Variants in SPEG observed in about 807,000 individuals in gnomAD.
SPEG encodes the protein striated muscle preferentially expressed protein kinase.
In SPEG, 114 loss-of-function variants were observed where a neutral mutation model predicts 300.4. The observed-to-expected ratio is 0.38, with a 90% CI of 0.33 to 0.44. The LOEUF is 0.44. SPEG is among the 20% of genes least tolerant of loss of function. The pLI, the probability that SPEG is intolerant of heterozygous loss-of-function variation, is 1.00. For missense variants in SPEG, 4,201 were observed against 4,586.2 expected (o/e 0.92, Z 2.43); for synonymous variants, 1,964 against 2,018.9 (o/e 0.97, Z 0.73).
At chr2:219,454,769 C>G (rs946932596) in intron 6 of SPEG, among the ~76,000 whole-genome samples, 1 of 152,162 alleles carries the variant, frequency 6.6e-6, no homozygotes, top group African/African-American at 2.4e-5. Context: ...GCCCATGAAG[C>G]AAATAAACTT....
In SPEG at chr2:219,461,810, C is replaced by T. The variant is rs375868443; in HGVS notation, c.2441-72C>T. The stretch of plus-strand genomic sequence containing the variant: ...GCTGCCGCAACTCCTGGGCTCTGGG[C>T]GACATTCCAGCCAGCTCTCCCAGGC... On this transcript the variant is annotated intron_variant, in intron 6 of 40. Transcript: ENST00000312358. 889 of 1,498,508 alleles carry T rather than the reference C, an allele frequency of 5.9e-4. 10 individuals carry two copies. In the South Asian group the frequency reaches 9.4e-3, roughly 16 times the overall value. 92.8% of individuals were successfully genotyped at this position (1,498,508 alleles called of 1,614,324 possible).
chr2:219,477,109 T>A lies in SPEG; in HGVS notation c.4560+127T>A, dbSNP rs1411673841. 9.9e-7 allele frequency: 1 copy of A among 1,006,718 alleles called. No individual in the cohort carries two copies. Among genetic ancestry groups the A allele is most frequent in the East Asian group, 2.5e-5 (1 of 39,644 alleles). 62.4% of individuals were successfully genotyped at this position (1,006,718 alleles called of 1,614,324 possible). On this transcript the variant is annotated intron_variant, in intron 19 of 40. Transcript: ENST00000312358. The surrounding 1 kb of genome is among the most constrained non-coding windows in gnomAD (Gnocchi z 6.4). The stretch of plus-strand genomic sequence containing the variant: ...GCGTGGTTAGGAGGAGGAAAGGGGC[T>A]GCAGAGGACTGACTAGCTGAGGGGT...
chr2:219,467,067 ATCTC>A lies in SPEG; in HGVS notation c.2882-99_2882-96del, dbSNP rs538036050. On this transcript the variant is annotated intron_variant, in intron 9 of 40. Transcript: ENST00000312358. ...TCCCCATCTCCAGAGAACAAAATGCATCTCTCTCTCTGTGTCTGTCTGTCTCTCT... is the reference window on the plus strand; with the variant it reads ...TCCCCATCTCCAGAGAACAAAATGCATCTCTCTGTGTCTGTCTGTCTCTCT... The A allele has an allele frequency of 2.7e-5, 37 of 1,351,446 alleles. No homozygotes were observed. The South Asian group carries it at 5.4e-4, about 20-fold the overall frequency. 83.7% of individuals were successfully genotyped at this position (1,351,446 alleles called of 1,614,324 possible).
intron 32 of SPEG, 35 bp downstream of exon 32, chr2:219,488,345 C>T: frequency 6.4e-7 from 1 of 1,554,998 alleles, no homozygotes; most frequent in South Asian, 1.1e-5. Flanking sequence ...AGAGGGAGGC[C>T]AGCAAGTGGC....
intron 36 of SPEG, among the ~76,000 whole-genome samples, 165 bp downstream of exon 36, chr2:219,490,104 G>A (rs1159184429): frequency 1.3e-5 from 2 of 152,234 alleles, no homozygotes; most frequent in Non-Finnish European, 2.9e-5. Flanking sequence ...ACTGCACTGC[G>A]TGCTTTAGCC....
In SPEG at chr2:219,451,091, T is replaced by A; in HGVS notation, c.2114-45T>A. 1 of 1,560,384 alleles carries A rather than the reference T, an allele frequency of 6.4e-7. No homozygotes were observed. Among genetic ancestry groups the A allele is most frequent in the Non-Finnish European group, 8.7e-7 (1 of 1,155,862 alleles). On this transcript the variant is annotated intron_variant, in intron 4 of 40. Transcript: ENST00000312358. The surrounding 1 kb of genome is among the most constrained non-coding windows in gnomAD (Gnocchi z 6.4). ...GGACTCTCTCTCCCGCTGTCATCCC[T>A]GCAGGGATCATGGCCCCTTACCCCG...
intron 9 of SPEG, chr2:219,465,990 TGC>T: frequency 2.2e-6 from 3 of 1,362,280 alleles, no homozygotes; most frequent in Non-Finnish European, 3.1e-6. Flanking sequence ...TGTGTGTGTG[TGC>T]GCGTGCGTGC....
intron 8 of SPEG, among the ~76,000 whole-genome samples, chr2:219,463,392 A>ATGTTTTTTTTTTTTTTT (rs1690927383): frequency 4.2e-5 from 1 of 23,910 alleles, no homozygotes; most frequent in Non-Finnish European, 6.8e-5. Context: ...CCCCACTGTG[A>ATGTTTTTTTTTTTTTTT]TTTTTTTTTT....
rs202127635 is a variant in SPEG, at chr2:219,477,440, A to T, written c.4724A>T (p.His1575Leu). ...EVSCKAELAV[H>L]SAQTAMEVEG... ...TCCTGCAAAGCAGAGTTGGCTGTGC[A>T]TTCAGGTAGGCAGGAGTTCCGGAGA... Residue 1575 changes from histidine to leucine, a missense_variant, in exon 20 of 41, where the codon CAT becomes CTT. By Grantham distance (99) the His-to-Leu change is moderately conservative (BLOSUM62 -3). Coordinates refer to ENST00000312358, the MANE Select transcript of SPEG (RefSeq NM_005876.5). The surrounding 1 kb of genome is among the most constrained non-coding windows in gnomAD (Gnocchi z 6.4). 9.5e-6 allele frequency: 15 copies of T among 1,583,464 alleles called. No homozygotes were observed. The African/African-American group carries it at 2.0e-4, about 21-fold the overall frequency.
intron 14 of SPEG, 62 bp from the exon 15 acceptor site, chr2:219,472,165 C>T (rs552755439): frequency 4.1e-5 from 64 of 1,566,676 alleles, no homozygotes; most frequent in Non-Finnish European, 4.7e-5. Flanking sequence ...CCCTGAGGCT[C>T]GGTGATCCTG....
In SPEG at chr2:219,477,234, G is replaced by C. The variant is rs1035867891; in HGVS notation, c.4561-43G>C. ...GATGAGGCCCTGGCCCCAAGGTAGA[G>C]ATGAGGCCAGGCCCAGGCTGAAGGT... On this transcript the variant is annotated intron_variant, in intron 19 of 40. Transcript: ENST00000312358. The surrounding 1 kb of genome is among the most constrained non-coding windows in gnomAD (Gnocchi z 6.4). The C allele has an allele frequency of 1.3e-6, 2 of 1,578,158 alleles. No individual in the cohort carries two copies. The highest frequency in any genetic ancestry group is 1.2e-5 in the South Asian group (1 of 86,612).
chr2:219,477,036 G>T lies in SPEG; in HGVS notation c.4560+54G>T. 1 of 1,465,110 alleles carries T rather than the reference G, an allele frequency of 6.8e-7. No homozygotes were observed. 90.8% of individuals were successfully genotyped at this position (1,465,110 alleles called of 1,614,324 possible). On this transcript the variant is annotated intron_variant, in intron 19 of 40. Transcript: ENST00000312358. This position sits in a 1 kb window ranked among gnomAD's most constrained non-coding sequence, Gnocchi z 6.4. Reference sequence around the variant, plus strand: ...GGGAGGGAGGAGGGGCTCCCTGGGGGCGTGGGAGGGTCCTGGAAGGCCTTA... The same window carrying T: ...GGGAGGGAGGAGGGGCTCCCTGGGGTCGTGGGAGGGTCCTGGAAGGCCTTA...
At position 219,473,319 on chromosome 2, in the gene SPEG, C is replaced by T; in HGVS notation, c.4148-185C>T. 1.3e-6 allele frequency: 1 copy of T among 760,028 alleles called. No homozygotes were observed. The highest frequency in any genetic ancestry group is 2.7e-5 in the Admixed American group (1 of 37,636). 47.1% of individuals were successfully genotyped at this position (760,028 alleles called of 1,614,324 possible). A position where few individuals can be genotyped will look rare whatever the true frequency, so the allele number is the denominator to read the frequency against. Reference sequence around the variant, plus strand: ...GGGATCGGGCCTGCTGGGGTCCAACCCCACAACCTCAGCTTTGCTGCTCTC... The same window carrying T: ...GGGATCGGGCCTGCTGGGGTCCAACTCCACAACCTCAGCTTTGCTGCTCTC... On this transcript the variant is annotated intron_variant, in intron 16 of 40. Transcript: ENST00000312358. The surrounding 1 kb of genome is among the most constrained non-coding windows in gnomAD (Gnocchi z 4.6).
intron 6 of SPEG, chr2:219,460,613 C>T (rs371373894): frequency 5.1e-6 from 5 of 985,322 alleles, no homozygotes; most frequent in Non-Finnish European, 4.8e-6. Flanking sequence ...GCAGATCCCG[C>T]GGCTTGGGAG....
Position 219,473,837 on chromosome 2 carries a change from G to T in SPEG, c.4381G>T (p.Ala1461Ser), listed in dbSNP as rs1204615009. ...ICRVSRRDMG[A>S]LTCTARNRHG... ...CCGGGTGAGCCGCCGGGACATGGGGGCCCTCACCTGCACCGCCCGAAACCG... is the reference window on the plus strand; with the variant it reads ...CCGGGTGAGCCGCCGGGACATGGGGTCCCTCACCTGCACCGCCCGAAACCG... The change falls in exon 18 of 41, where the codon GCC (alanine) becomes TCC (serine). Residue 1461 changes from alanine to serine, a missense_variant. This residue lies in a region of SPEG where 1,047 missense variants were observed against 1,356.8 expected (regional missense o/e 0.77). Transcript: ENST00000312358. The surrounding 1 kb of genome is among the most constrained non-coding windows in gnomAD (Gnocchi z 4.6). The T allele has an allele frequency of 6.2e-7, 1 of 1,613,782 alleles. No homozygotes were observed. Among genetic ancestry groups the T allele is most frequent in the Admixed American group, 1.7e-5 (1 of 60,032 alleles).
At chr2:219,472,059 AG>A in intron 14 of SPEG, 72 bp downstream of exon 14, 1 of 1,583,134 alleles carries the variant, frequency 6.3e-7, no homozygotes, top group Non-Finnish European at 8.6e-7. Context: ...GCTCAGGGAA[AG>A]GGGCCTCCAC....
In SPEG at chr2:219,458,600, G is replaced by A. The variant is rs1690383004; in HGVS notation, c.2441-3282G>A. Among the ~76,000 whole-genome samples, 1 of 152,126 alleles carries A rather than the reference G, an allele frequency of 6.6e-6. No individual in the cohort carries two copies. The highest frequency in any genetic ancestry group is 1.5e-5 in the Non-Finnish European group (1 of 68,018). On this transcript the variant is annotated intron_variant, in intron 6 of 40. Coordinates refer to ENST00000312358, the MANE Select transcript of SPEG (RefSeq NM_005876.5). The surrounding 1 kb of genome is among the most constrained non-coding windows in gnomAD (Gnocchi z 4.2). ...GATTGTGCCCAAGATGGGAGACCAG[G>A]TCATGCCAGGGGAAGCACATGGGCT...
chr2:219,490,902 A>T lies in SPEG; in HGVS notation c.9331A>T (p.Asn3111Tyr), dbSNP rs746514078. The change falls in exon 38 of 41, where the codon AAC becomes TAC. Residue 3111 changes from asparagine to tyrosine, a missense_variant. Around this residue, in one of 4 missense-constraint regions of SPEG, gnomAD observed 318 missense variants for 429.5 expected, o/e 0.74. Transcript: ENST00000312358. ...GGACTTTGGCAGTGCCCAGCCCTAC[A>T]ACCCCCAGGCCCTTAGGCCCCTTGG... ...IVDFGSAQPYNPQALRPLGHR... is the reference protein window; with the variant it reads ...IVDFGSAQPYYPQALRPLGHR... 3 of 1,613,712 alleles carry T rather than the reference A, an allele frequency of 1.9e-6. No homozygotes were observed. Among genetic ancestry groups the T allele is most frequent in the Non-Finnish European group, 2.5e-6 (3 of 1,179,998 alleles).
In SPEG at chr2:219,445,838, C is replaced by A. The variant is rs909643049; in HGVS notation, c.815+677C>A. Among the ~76,000 whole-genome samples the A allele has an allele frequency of 4.6e-5, 7 of 151,946 alleles. No individual in the cohort carries two copies. Among genetic ancestry groups the A allele is most frequent in the African/African-American group, 1.5e-4 (6 of 41,370 alleles). ...GGTGGCAGGGGGCTTGCAATGATTT[C>A]TCTCATGGGAAACCCCTAAGTCCCT... On this transcript the variant is annotated intron_variant, in intron 3 of 40. Transcript: ENST00000312358. The surrounding 1 kb of genome is among the most constrained non-coding windows in gnomAD (Gnocchi z 6.1).
Sources: allele counts gnomAD v4.1 joint callset (sites outside exome capture counted in the v4.1 genomes callset), GRCh38; gene constraint gnomAD v4.1.1; regional missense constraint gnomAD v4.1.1; non-coding constraint Gnocchi (gnomAD v3.1); transcripts MANE v1.5; gene names NCBI Gene and HGNC (gene_info 2026-07-23, HGNC 2026-07-21).